The following SH3RF3 variants were observed in gnomAD, a reference collection of about 807,000 sequenced individuals.
SH3RF3 encodes E3 ubiquitin-protein ligase SH3RF3.
Under a neutral mutation model 66.3 loss-of-function variants are expected in SH3RF3, and 29 were observed. The observed-to-expected ratio is 0.44, with a 90% CI of 0.33 to 0.60. The LOEUF is 0.60. Ranked by LOEUF, SH3RF3 falls within the 20% of genes least tolerant of loss-of-function variation. SH3RF3 has a pLI of 0.04. For missense variants in SH3RF3, 1,194 were observed against 1,190.9 expected (o/e 1.00, Z -0.04); for synonymous variants, 583 against 532.0 (o/e 1.10, Z -1.32).
intron 1 of SH3RF3, among the ~76,000 whole-genome samples, chr2:109,253,678 A>G (rs1680150043): frequency 6.6e-6 from 1 of 152,084 alleles, no homozygotes. Flanking sequence ...GGTCATTTGG[A>G]AAGGAATTTG....
rs201688919 is a variant in SH3RF3, at chr2:109,449,455, C to T, written c.2114C>T (p.Thr705Met). The T allele has an allele frequency of 2.3e-4, 373 of 1,613,894 alleles. No individual in the cohort carries two copies. Among genetic ancestry groups the T allele is most frequent in the Non-Finnish European group, 3.0e-4 (354 of 1,179,896 alleles). ...GVLSTSSPTN[T>M]GCKLDEKKSE... Reference sequence around the variant, plus strand: ...CTGTCCACATCCAGCCCCACCAACACGGGATGCAAACTAGACGAGAAGAAA... The same window carrying T: ...CTGTCCACATCCAGCCCCACCAACATGGGATGCAAACTAGACGAGAAGAAA... The change falls in exon 8 of 10, where the codon ACG (threonine) becomes ATG (methionine). Residue 705 changes from threonine to methionine, a missense_variant. Thr to Met is a moderately conservative substitution (Grantham distance 81). Coordinates refer to ENST00000309415, the MANE Select transcript of SH3RF3 (RefSeq NM_001099289.3).
chr2:109,332,322 GT>G (rs771664876), intron 1 of SH3RF3, among the ~76,000 whole-genome samples: 7 of 152,098 alleles, frequency 4.6e-5, no homozygotes, highest in Non-Finnish European at 1.0e-4. Context: ...TCCTGATTCT[GT>G]GTTCTGAGAG....
intron 1 of SH3RF3, among the ~76,000 whole-genome samples, chr2:109,258,378 C>T (rs915410950): frequency 2.6e-5 from 4 of 152,178 alleles, no homozygotes; most frequent in African/African-American, 4.8e-5. Context: ...AACCCTAGTG[C>T]AGCCGGGTTT....
intron 7 of SH3RF3, among the ~76,000 whole-genome samples, chr2:109,438,928 A>G (rs1677486536): frequency 6.6e-6 from 1 of 152,072 alleles, no homozygotes; most frequent in Non-Finnish European, 1.5e-5. Context: ...TTCTGTACAA[A>G]TGTTTCCACA....
intron 1 of SH3RF3, among the ~76,000 whole-genome samples, chr2:109,272,407 C>T (rs797016054): frequency 1.3e-5 from 2 of 152,338 alleles, no homozygotes; most frequent in Non-Finnish European, 1.5e-5. Context: ...AGGGCAAGCA[C>T]GAAGCCAGCT....
At chr2:109,160,990 C>G (rs565981428) in intron 1 of SH3RF3, among the ~76,000 whole-genome samples, 1 of 152,190 alleles carries the variant, frequency 6.6e-6, no homozygotes, top group East Asian at 1.9e-4. Context: ...TGGGGGATCC[C>G]TGGGAGAACT....
intron 1 of SH3RF3, among the ~76,000 whole-genome samples, chr2:109,254,270 T>C (rs989731162): frequency 3.9e-5 from 6 of 152,192 alleles, no homozygotes; most frequent in Non-Finnish European, 5.9e-5. Context: ...CTAGAGTTTT[T>C]AGCACGCAGC....
intron 1 of SH3RF3, among the ~76,000 whole-genome samples, chr2:109,227,436 CAAGT>C (rs1679398174): frequency 6.6e-6 from 1 of 152,184 alleles, no homozygotes; most frequent in Non-Finnish European, 1.5e-5. Flanking sequence ...TTCTCACAGT[CAAGT>C]AAAAACCAAA....
At chr2:109,244,451 A>G (rs1368018966) in intron 1 of SH3RF3, among the ~76,000 whole-genome samples, 1 of 152,202 alleles carries the variant, frequency 6.6e-6, no homozygotes, top group Non-Finnish European at 1.5e-5. Context: ...CATGAATGCA[A>G]TTCTGTCTTC....
chr2:109,131,619 C>T (rs1408211730), intron 1 of SH3RF3, among the ~76,000 whole-genome samples: 2 of 152,138 alleles, frequency 1.3e-5, no homozygotes, highest in African/African-American at 4.8e-5. Context: ...TAGGAGGTAA[C>T]CTCTGACATG....
intron 1 of SH3RF3, among the ~76,000 whole-genome samples, chr2:109,313,213 C>G (rs189035773): frequency 3.9e-5 from 6 of 152,318 alleles, no homozygotes; most frequent in Non-Finnish European, 5.9e-5. Flanking sequence ...CTTGTCTATG[C>G]CAGCATCCTT....
rs1160045479 is a variant in SH3RF3, at chr2:109,257,675, C to T, written c.574-89999C>T. On this transcript the variant is annotated intron_variant, in intron 1 of 9. Coordinates refer to ENST00000309415, the MANE Select transcript of SH3RF3 (RefSeq NM_001099289.3). ...TGCCTTGGTTTGCGCTTCAGGGAAG[C>T]CACTGACACGTTCATTACCTGTTTC... Among the ~76,000 whole-genome samples, 3 of 152,162 alleles carry T rather than the reference C, an allele frequency of 2.0e-5. 1 individual carries two copies. In the East Asian group the frequency reaches 5.8e-4, roughly 29 times the overall value.
chr2:109,494,717 A>G (rs1170630427), intron 9 of SH3RF3, among the ~76,000 whole-genome samples: 1 of 151,654 alleles, frequency 6.6e-6, no homozygotes, highest in Non-Finnish European at 1.5e-5. Context: ...GCAGGGCAGT[A>G]TGGGCTGTCA....
At chr2:109,131,800 TG>T (rs35035614) in intron 1 of SH3RF3, among the ~76,000 whole-genome samples, 1 of 152,354 alleles carries the variant, frequency 6.6e-6, no homozygotes, top group African/African-American at 2.4e-5. Context: ...ACTTTCTTTA[TG>T]GGTGCATAGT....
At chr2:109,471,236 T>G (rs1038734663) in intron 8 of SH3RF3, among the ~76,000 whole-genome samples, 9 of 130,584 alleles carry the variant, frequency 6.9e-5, no homozygotes, top group Admixed American at 5.3e-4. Context: ...AAAAAAGAAA[T>G]TAATACCTGA....
Position 109,437,023 on chromosome 2 carries a change from G to T in SH3RF3, c.1705G>T (p.Ala569Ser), listed in dbSNP as rs530586447. Residue 569 changes from alanine to serine, a missense_variant, in exon 7 of 10, where the codon GCC becomes TCC. Coordinates refer to ENST00000309415, the MANE Select transcript of SH3RF3 (RefSeq NM_001099289.3). ...LSSLATATRP[A>S]LPITTPQAHA... ...CAGCCTGGCCACTGCCACCAGGCCC[G>T]CCCTGCCCATCACCACTCCCCAGGC... 6.2e-7 allele frequency: 1 copy of T among 1,613,838 alleles called. No homozygotes were observed. Among genetic ancestry groups the T allele is most frequent in the Non-Finnish European group, 8.5e-7 (1 of 1,179,884 alleles).
chr2:109,204,795 T>C (rs1485160267), intron 1 of SH3RF3, among the ~76,000 whole-genome samples: 2 of 152,252 alleles, frequency 1.3e-5, no homozygotes, highest in Admixed American at 6.5e-5. Context: ...GGGTCATTTC[T>C]TGATGGTGCC....
intron 8 of SH3RF3, among the ~76,000 whole-genome samples, chr2:109,487,348 G>A (rs996910873): frequency 6.6e-6 from 1 of 152,176 alleles, no homozygotes; most frequent in Non-Finnish European, 1.5e-5. Flanking sequence ...CACCAGGGAA[G>A]TGCCTAGACC....
At chr2:109,361,560 G>A (rs988717243) in intron 2 of SH3RF3, among the ~76,000 whole-genome samples, 3 of 152,086 alleles carry the variant, frequency 2.0e-5, no homozygotes, top group East Asian at 1.9e-4. Context: ...TGCAACCTCC[G>A]CCTCCCTGGT....
Sources: allele counts gnomAD v4.1 joint callset (sites outside exome capture counted in the v4.1 genomes callset), GRCh38; gene constraint gnomAD v4.1.1; transcripts MANE v1.5; gene names NCBI Gene and HGNC (gene_info 2026-07-23, HGNC 2026-07-21).